The following ZFAT variants were observed in gnomAD, a reference collection of about 807,000 sequenced individuals.
The protein encoded by ZFAT is zinc finger and AT-hook domain containing.
ZFAT carries 64 observed loss-of-function variants against 117.7 expected under a neutral mutation model. The ratio of observed to expected loss-of-function variants is 0.54; its 90% confidence interval spans 0.44 to 0.67. The LOEUF is 0.67. Ranked by LOEUF, ZFAT falls within the 30% of genes least tolerant of loss-of-function variation. The pLI is 0.00. For missense variants in ZFAT, 1,433 were observed against 1,584.5 expected (o/e 0.90, Z 1.62); for synonymous variants, 679 against 615.0 (o/e 1.10, Z -1.54).
intron 1 of ZFAT, among the ~76,000 whole-genome samples, chr8:134,683,745 C>T (rs12677086): frequency 0.2 from 31,039 of 151,744 alleles, 3,614 homozygotes; most frequent in Admixed American, 0.27. Flanking sequence ...AGCTCCTGCC[C>T]CGCAAGCAGG....
chr8:134,718,712 G>A, the ZFAT span, among the ~76,000 whole-genome samples: 1 of 152,118 alleles, frequency 6.6e-6, no homozygotes, highest in Non-Finnish European at 1.5e-5. Context: ...AAGGATAAGG[G>A]GTAGAGGGAG....
intron 15 of ZFAT, among the ~76,000 whole-genome samples, chr8:134,501,020 C>T (rs1480857328): frequency 2.9e-4 from 44 of 152,078 alleles, no homozygotes; most frequent in Non-Finnish European, 7.4e-5. Context: ...CCAACAAAAG[C>T]GTGCAGCTGA....
At chr8:134,714,119 C>CA (rs1563782699), upstream of ZFAT, among the ~76,000 whole-genome samples, 6 of 108,036 alleles carry the variant, frequency 5.6e-5, no homozygotes, top group African/African-American at 7.2e-5. Flanking sequence ...CCCCCCCCCC[C>CA]CAAAAAAAAA....
chr8:134,717,487 T>TTTTTTTTTTTC (rs1814225148), upstream of ZFAT, among the ~76,000 whole-genome samples: 1 of 95,754 alleles, frequency 1.0e-5, no homozygotes, highest in Non-Finnish European at 2.1e-5. Context: ...TTTTTTTTTT[T>TTTTTTTTTTTC]TTTTTTTTTT....
intron 3 of ZFAT, among the ~76,000 whole-genome samples, chr8:134,633,805 G>A (rs960973652): frequency 2.2e-4 from 33 of 152,362 alleles, no homozygotes; most frequent in African/African-American, 7.2e-4. Flanking sequence ...AACACTTTGG[G>A]AGGCCAAGTG....
intron 11 of ZFAT, among the ~76,000 whole-genome samples, chr8:134,536,027 C>T (rs1821809964): frequency 6.6e-6 from 1 of 152,118 alleles, no homozygotes; most frequent in South Asian, 2.1e-4. Flanking sequence ...CCAATTTCAC[C>T]CTTCTTGCAG....
At chr8:134,711,972 A>G (rs1814017085) in intron 1 of ZFAT, among the ~76,000 whole-genome samples, 2 of 152,210 alleles carry the variant, frequency 1.3e-5, no homozygotes, top group Admixed American at 1.3e-4. Context: ...TGTGCGGGGC[A>G]TCTCCAAAAG....
rs1231355278 is a variant in ZFAT at position 134,602,930 on chromosome 8, T to C, written c.789A>G (p.Leu263=). 1.2e-6 allele frequency: 2 copies of C among 1,603,916 alleles called. No individual in the cohort carries two copies. The highest frequency in any genetic ancestry group is 1.3e-5 in the African/African-American group (1 of 74,930). ...PYEQPMKSSR[L]GPTQLKIFTC... is the part of the protein sequence containing the mutation. ...TGAAGATTTTGAGCTGAGTGGGACC[T>C]AGCCTAGAAACAGATGACAGCATGG... Residue 263 remains leucine (L), a synonymous_variant, in exon 6 of 16, where the codon CTA becomes CTG. Coordinates refer to ENST00000377838, the MANE Select transcript of ZFAT (RefSeq NM_020863.4).
chr8:134,663,573 C>A (rs1832050041), intron 1 of ZFAT, among the ~76,000 whole-genome samples: 1 of 151,864 alleles, frequency 6.6e-6, no homozygotes, highest in South Asian at 2.1e-4. Context: ...CCCGTCTCCA[C>A]TAAAAATACA....
rs1818050586 is a variant in ZFAT at position 134,491,404 on chromosome 8, T to A, written c.3493-12683A>T. 2.6e-5 allele frequency among the ~76,000 whole-genome samples: 4 copies of A among 151,982 alleles called. No homozygotes were observed. In the South Asian group the frequency reaches 8.3e-4, roughly 31 times the overall value. On this transcript the variant is annotated intron_variant, in intron 15 of 15. Coordinates refer to ENST00000377838, the MANE Select transcript of ZFAT (RefSeq NM_020863.4). ...GCACCTGACCACATTGTTAGGTTTTTATTTCATTTTCTTATTGTTGCTTTA... is the reference window on the plus strand; with the variant it reads ...GCACCTGACCACATTGTTAGGTTTTAATTTCATTTTCTTATTGTTGCTTTA...
At chr8:134,517,834 G>A (rs1255685182) in intron 13 of ZFAT, among the ~76,000 whole-genome samples, 2 of 152,150 alleles carry the variant, frequency 1.3e-5, no homozygotes. Context: ...CTGATAATTA[G>A]GCTGAGGTTG....
intron 1 of ZFAT, among the ~76,000 whole-genome samples, chr8:134,700,506 C>T (rs1378698852): frequency 1.3e-5 from 2 of 152,294 alleles, no homozygotes; most frequent in East Asian, 1.9e-4. Flanking sequence ...GGAGAGCAGC[C>T]GGCTGAGCAC....
At chr8:134,572,542 T>A (rs1413083382) in intron 10 of ZFAT, among the ~76,000 whole-genome samples, 5 of 152,228 alleles carry the variant, frequency 3.3e-5, no homozygotes, top group Non-Finnish European at 7.3e-5. Flanking sequence ...ACGCACTGAC[T>A]TACGGGTGCT....
the ZFAT span, among the ~76,000 whole-genome samples, chr8:134,783,072 T>C: frequency 1.3e-5 from 2 of 152,184 alleles, no homozygotes; most frequent in East Asian, 1.9e-4. Context: ...TCTTTAGTAA[T>C]TGTTTTGTTT....
At chr8:134,751,697 G>A in the ZFAT span, among the ~76,000 whole-genome samples, 5 of 152,194 alleles carry the variant, frequency 3.3e-5, no homozygotes, top group African/African-American at 1.2e-4. Flanking sequence ...TGTGAAGGCA[G>A]TTGGGGATTG....
At chr8:134,670,690 G>A (rs1461429447) in intron 1 of ZFAT, among the ~76,000 whole-genome samples, 6 of 152,166 alleles carry the variant, frequency 3.9e-5, no homozygotes, top group Non-Finnish European at 8.8e-5. Context: ...ACAATTAAAA[G>A]AACTAAAGAA....
At chr8:134,489,583 G>C (rs144479794) in intron 15 of ZFAT, among the ~76,000 whole-genome samples, 1 of 151,966 alleles carries the variant, frequency 6.6e-6, no homozygotes, top group Non-Finnish European at 1.5e-5. Flanking sequence ...CATCTCTGCC[G>C]CATCTGTCTC....
chr8:134,796,349 A>G, the ZFAT span: 1 of 152,142 alleles, frequency 6.6e-6, no homozygotes, highest in Non-Finnish European at 1.5e-5. Flanking sequence ...ATCTGACACT[A>G]TCTCCCAGTA....
chr8:134,723,077 A>G, the ZFAT span: 1 of 152,260 alleles, frequency 6.6e-6, no homozygotes, highest in Non-Finnish European at 1.5e-5. Context: ...TGGTGAGGAC[A>G]TAAATTCCTG....
Sources: gnomAD v4.1 joint callset for allele counts (sites outside exome capture counted in the v4.1 genomes callset) on GRCh38, gnomAD v4.1.1 for gene constraint, MANE v1.5 for transcripts, NCBI Gene and HGNC (gene_info 2026-07-23, HGNC 2026-07-21) for gene names.